Variants in VPS13C observed in about 807,000 individuals in gnomAD.
VPS13C encodes intermembrane lipid transfer protein VPS13C.
VPS13C carries 358 observed loss-of-function variants against 456.8 expected under a neutral mutation model. The ratio of observed to expected loss-of-function variants is 0.78; its 90% confidence interval spans 0.72 to 0.86. VPS13C has a LOEUF of 0.86. VPS13C is among the 40% of genes least tolerant of loss of function. The pLI is 0.00. For synonymous variants in VPS13C, 1,578 were observed against 1,486.7 expected (o/e 1.06, Z -1.41); for missense variants, 4,818 against 4,385.4 (o/e 1.10, Z -2.79).
At chr15:62,021,974 G>C (rs1021812640) in intron 8 of VPS13C, among the ~76,000 whole-genome samples, 2 of 151,792 alleles carry the variant, frequency 1.3e-5, no homozygotes, top group African/African-American at 4.8e-5. Flanking sequence ...TTTTGCAAGT[G>C]AAAGAATTTC....
chr15:62,000,901 C>A (rs1428712699), intron 15 of VPS13C, among the ~76,000 whole-genome samples: 1 of 152,050 alleles, frequency 6.6e-6, no homozygotes, highest in East Asian at 1.9e-4. Flanking sequence ...CATAAATGCA[C>A]ATGAAAACAA....
chr15:61,963,705 A>G (rs544953154), intron 32 of VPS13C, 130 bp downstream of exon 32: 3 of 665,114 alleles, frequency 4.5e-6, no homozygotes, highest in Non-Finnish European at 7.9e-6. Flanking sequence ...GGAAGCATAC[A>G]ATCCAATTAC....
chr15:61,862,157 TAAAGGA>T (rs898803413), intron 82 of VPS13C, among the ~76,000 whole-genome samples: 9 of 140,470 alleles, frequency 6.4e-5, no homozygotes, highest in South Asian at 2.3e-4. Flanking sequence ...AGAGAAAAAG[TAAAGGA>T]AAAGGAAAAG....
chr15:61,954,975 T>A (rs900343503), intron 37 of VPS13C, among the ~76,000 whole-genome samples: 6 of 151,858 alleles, frequency 4.0e-5, no homozygotes, highest in African/African-American at 1.5e-4. Context: ...CAGAATGGAG[T>A]TTGATATGGT....
intron 82 of VPS13C, chr15:61,856,880 C>A (rs1596259397): frequency 6.4e-6 from 1 of 155,814 alleles, no homozygotes; most frequent in Non-Finnish European, 1.4e-5. Flanking sequence ...CAAGAACGAA[C>A]GTGAAGGAAA....
intron 63 of VPS13C, among the ~76,000 whole-genome samples, chr15:61,911,390 C>T (rs2043297446): frequency 6.6e-6 from 1 of 152,194 alleles, no homozygotes; most frequent in African/African-American, 2.4e-5. Flanking sequence ...AGTGAGAGGG[C>T]AGAATTTTAG....
At chr15:61,952,114 G>A in intron 38 of VPS13C, 134 bp from the exon 39 acceptor site, 1 of 1,061,348 alleles carries the variant, frequency 9.4e-7, no homozygotes, top group East Asian at 2.6e-5. Flanking sequence ...TTCTATTTGT[G>A]CCTGCAGTTT....
At chr15:61,981,779 C>T (rs1242399365) in intron 21 of VPS13C, among the ~76,000 whole-genome samples, 2 of 152,122 alleles carry the variant, frequency 1.3e-5, no homozygotes, top group African/African-American at 4.8e-5. Context: ...AGGAGAATGG[C>T]GTGAACCCAG....
At chr15:61,947,757 C>T (rs1410219803) in intron 42 of VPS13C, among the ~76,000 whole-genome samples, 1 of 152,112 alleles carries the variant, frequency 6.6e-6, no homozygotes, top group Non-Finnish European at 1.5e-5. Flanking sequence ...TTTACTATGG[C>T]ACTTACATGT....
chr15:61,959,364 T>A (rs1471936184), intron 36 of VPS13C, 84 bp downstream of exon 36: 2 of 1,257,950 alleles, frequency 1.6e-6, no homozygotes, highest in East Asian at 5.0e-5. Flanking sequence ...AGCAAAAGAG[T>A]CTACATTTCA....
rs544546762 is a variant in VPS13C at position 61,919,602 on chromosome 15, A to G, written c.7478-153T>C. Among the ~76,000 whole-genome samples the G allele has an allele frequency of 7.2e-5, 11 of 152,150 alleles. No homozygotes were observed. In the South Asian group the frequency reaches 2.3e-3, roughly 32 times the overall value. On this transcript the variant is annotated intron_variant, in intron 57 of 84. Transcript: ENST00000644861. ...GCTTTTCTAAGACATAAACTTAAAAAGAAGACCAGTTACTGTTATAAAATT... is the reference window on the plus strand; with the variant it reads ...GCTTTTCTAAGACATAAACTTAAAAGGAAGACCAGTTACTGTTATAAAATT...
intron 9 of VPS13C, 37 bp from the exon 10 acceptor site, chr15:62,014,029 T>A (rs1036760831): frequency 9.2e-6 from 14 of 1,518,042 alleles, no homozygotes; most frequent in Non-Finnish European, 1.3e-5. Context: ...AAACGTGGTA[T>A]GGATGTCATT....
chr15:61,866,372 GA>G (rs1157774622), intron 81 of VPS13C: 2 of 983,236 alleles, frequency 2.0e-6, no homozygotes, highest in Non-Finnish European at 1.2e-6. Context: ...TGTGCTTTTT[GA>G]CAGAGAGTTA....
chr15:62,026,083 A>ATTTTTTTTTTTTTTTTTTTTTTTTTTT (rs748061716), intron 6 of VPS13C, among the ~76,000 whole-genome samples: 1 of 78,504 alleles, frequency 1.3e-5, no homozygotes, highest in South Asian at 4.3e-4. Context: ...TGTTGTTTTA[A>ATTTTTTTTTTTTTTTTTTTTTTTTTTT]TTGAAGTACA....
chr15:61,962,802 G>A lies in VPS13C; in HGVS notation c.3382C>T (p.Arg1128Ter), dbSNP rs764474029. The change falls in exon 33 of 85, where the codon CGA (arginine) becomes TGA (stop). Residue 1128 changes from arginine to a stop codon, truncating the protein, a stop_gained. Transcript: ENST00000644861. LOFTEE classifies it high-confidence loss of function. ...TCTGTGACAATAATATTTTCTAGTC[G>A]GGCAAAAAGTGACTGCTTTCTTGAC... The part of the protein sequence containing the change: ...LQSRKQSLFA[R>*]LENIIVTDVD... 20 of 1,605,394 alleles carry A rather than the reference G, an allele frequency of 1.2e-5. No homozygotes were observed. The highest frequency in any genetic ancestry group is 1.3e-5 in the African/African-American group (1 of 74,632).
In VPS13C at chr15:61,982,512, A is replaced by T. The variant is rs1359935238; in HGVS notation, c.1976T>A (p.Ile659Lys). The change falls in exon 21 of 85, where the codon ATA (isoleucine) becomes AAA (lysine). Residue 659 changes from isoleucine to lysine, a missense_variant. Transcript: ENST00000644861. ...QSNKGLDLEQ[I>K]TSATLMKLEE... Reference sequence around the variant, plus strand: ...CAGCTTCATCAATGTTGCTGATGTTATTTGCTCAAGATCCAATCCCTTATT... The same window carrying T: ...CAGCTTCATCAATGTTGCTGATGTTTTTTGCTCAAGATCCAATCCCTTATT... 1 of 1,610,302 alleles carries T rather than the reference A, an allele frequency of 6.2e-7. No individual in the cohort carries two copies. The highest frequency in any genetic ancestry group is 8.5e-7 in the Non-Finnish European group (1 of 1,178,870).
intron 14 of VPS13C, among the ~76,000 whole-genome samples, chr15:62,007,905 G>A (rs771126080): frequency 1.8e-4 from 27 of 152,138 alleles, no homozygotes; most frequent in Non-Finnish European, 3.7e-4. Context: ...AAGATTTTGA[G>A]ACCATCCTGG....
At chr15:61,973,019 T>C (rs1322391973) in intron 26 of VPS13C, among the ~76,000 whole-genome samples, 1 of 152,166 alleles carries the variant, frequency 6.6e-6, no homozygotes, top group Non-Finnish European at 1.5e-5. Flanking sequence ...TCACTCAATA[T>C]TCAACAAAAT....
At chr15:62,019,951 T>TAC (rs2047397257) in intron 9 of VPS13C, among the ~76,000 whole-genome samples, 1 of 148,762 alleles carries the variant, frequency 6.7e-6, no homozygotes. Context: ...GTCCAGCCTA[T>TAC]ATATATATAT....
Sources: gnomAD v4.1 joint callset for allele counts (sites outside exome capture counted in the v4.1 genomes callset) on GRCh38, gnomAD v4.1.1 for gene constraint, MANE v1.5 for transcripts, NCBI Gene and HGNC (gene_info 2026-07-23, HGNC 2026-07-21) for gene names.